Variants in SLC12A7 observed in about 807,000 individuals in gnomAD.
The protein encoded by SLC12A7 is K-Cl cotransporter 4.
In SLC12A7, 100 loss-of-function variants were observed where a neutral mutation model predicts 120.6. The observed-to-expected ratio is 0.83, with a 90% CI of 0.71 to 0.98. The LOEUF is 0.98. SLC12A7 is among the 50% of genes least tolerant of loss of function. The pLI, the probability that SLC12A7 is intolerant of heterozygous loss-of-function variation, is 0.00. For missense variants in SLC12A7, 1,373 were observed against 1,548.1 expected, an observed-to-expected ratio of 0.89 and a Z score of 1.90; for synonymous variants, 760 against 678.0, an observed-to-expected ratio of 1.12 and a Z score of -1.88.
chr5:1,148,651 T>A, the SLC12A7 span, among the ~76,000 whole-genome samples: 1 of 152,162 alleles, frequency 6.6e-6, no homozygotes. Context: ...GAATGAGAGC[T>A]CCCCCTGGGC....
chr5:1,154,175 T>TCCCTAA, the SLC12A7 span, among the ~76,000 whole-genome samples: 3 of 151,644 alleles, frequency 2.0e-5, no homozygotes, highest in Non-Finnish European at 2.9e-5. Flanking sequence ...CAGGCTTGTG[T>TCCCTAA]CCCTAACCCT....
At chr5:1,080,909 G>A (rs1450617158) in intron 9 of SLC12A7, among the ~76,000 whole-genome samples, 1 of 152,192 alleles carries the variant, frequency 6.6e-6, no homozygotes, top group Non-Finnish European at 1.5e-5. Flanking sequence ...AATCCATCAG[G>A]ACGCAGGGCA....
chr5:1,078,217 G>C (rs1247794575), intron 11 of SLC12A7, among the ~76,000 whole-genome samples: 1 of 152,196 alleles, frequency 6.6e-6, no homozygotes, highest in African/African-American at 2.4e-5. Flanking sequence ...CAGCGGGGGA[G>C]GGGGTCCTGC....
chr5:1,121,283 C>T, the SLC12A7 span, among the ~76,000 whole-genome samples: 3 of 152,178 alleles, frequency 2.0e-5, no homozygotes, highest in Non-Finnish European at 4.4e-5. Flanking sequence ...GGACTTTACA[C>T]GTGGAGTTCC....
the SLC12A7 span, among the ~76,000 whole-genome samples, chr5:1,144,231 G>T: frequency 1.3e-5 from 2 of 152,176 alleles, no homozygotes; most frequent in Non-Finnish European, 2.9e-5. Flanking sequence ...CGCAGCGCCG[G>T]GTGGCGGGAG....
intron 9 of SLC12A7, among the ~76,000 whole-genome samples, chr5:1,080,600 G>A (rs931383485): frequency 2.6e-5 from 4 of 152,254 alleles, no homozygotes; most frequent in Non-Finnish European, 5.9e-5. Context: ...AGCAGCCAGC[G>A]CCTGTCAGGG....
intron 22 of SLC12A7, 25 bp downstream of exon 22, chr5:1,057,446 C>T (rs377292572): frequency 7.8e-5 from 124 of 1,592,726 alleles, no homozygotes; most frequent in Non-Finnish European, 1.0e-4. Flanking sequence ...TCTGTTCCCC[C>T]CAGGCCACAC....
chr5:1,115,516 G>A (rs1743280016), upstream of SLC12A7, among the ~76,000 whole-genome samples: 1 of 152,182 alleles, frequency 6.6e-6, no homozygotes, highest in African/African-American at 2.4e-5. Flanking sequence ...TAGGGTGGGG[G>A]GCTCATCTCC....
At chr5:1,062,531 A>C (rs1007208888) in intron 20 of SLC12A7, among the ~76,000 whole-genome samples, 14 of 152,224 alleles carry the variant, frequency 9.2e-5, no homozygotes, top group Non-Finnish European at 1.8e-4. Context: ...GAGGAAGAAC[A>C]ACCCCACAGG....
At chr5:1,133,923 C>T in the SLC12A7 span, among the ~76,000 whole-genome samples, 4 of 152,106 alleles carry the variant, frequency 2.6e-5, no homozygotes, top group Non-Finnish European at 4.4e-5. Context: ...TTGTTCTAAC[C>T]GCTGCATGGC....
chr5:1,103,380 T>C (rs6894574), intron 1 of SLC12A7, among the ~76,000 whole-genome samples: 102,628 of 152,104 alleles, frequency 0.67, 34,741 homozygotes, highest in African/African-American at 0.69. Flanking sequence ...TGGAAGGTCC[T>C]GGCAAGCTAT....
At chr5:1,154,902 G>A in the SLC12A7 span, among the ~76,000 whole-genome samples, 271 of 152,336 alleles carry the variant, frequency 1.8e-3, no homozygotes, top group Middle Eastern at 6.8e-3. Flanking sequence ...CAGGTCCCAC[G>A]AGAGAGTGAC....
intron 16 of SLC12A7, among the ~76,000 whole-genome samples, chr5:1,074,115 G>T (rs1236220572): frequency 6.6e-6 from 1 of 152,162 alleles, no homozygotes; most frequent in Non-Finnish European, 1.5e-5. Flanking sequence ...CAGGTGACAT[G>T]CTAGACAGGT....
chr5:1,105,811 G>T (rs1242471569), intron 1 of SLC12A7, among the ~76,000 whole-genome samples: 1 of 152,160 alleles, frequency 6.6e-6, no homozygotes, highest in Non-Finnish European at 1.5e-5. Flanking sequence ...TGCTCACCAG[G>T]CCCCAGACAC....
At chr5:1,106,137 C>T (rs1024254753) in intron 1 of SLC12A7, among the ~76,000 whole-genome samples, 2 of 152,234 alleles carry the variant, frequency 1.3e-5, no homozygotes, top group Admixed American at 1.3e-4. Flanking sequence ...CTCCAGACCT[C>T]GGTCTAAGGC....
intron 4 of SLC12A7, 71 bp downstream of exon 4, chr5:1,088,911 T>C (rs2150869255): frequency 6.3e-7 from 1 of 1,582,928 alleles, no homozygotes. Context: ...GGAGACGGCA[T>C]CTGGGGAGAG....
chr5:1,054,536 T>C (rs1735403851), intron 22 of SLC12A7, among the ~76,000 whole-genome samples: 1 of 152,124 alleles, frequency 6.6e-6, no homozygotes, highest in Non-Finnish European at 1.5e-5. Context: ...TGCGTTTCTG[T>C]GTTGGAAAAA....
At chr5:1,147,203 G>T in the SLC12A7 span, among the ~76,000 whole-genome samples, 1 of 151,714 alleles carries the variant, frequency 6.6e-6, no homozygotes, top group African/African-American at 2.4e-5. Flanking sequence ...AAATTCCCAC[G>T]GTGACAGAAG....
chr5:1,091,666 T>G (rs565898469), intron 3 of SLC12A7, among the ~76,000 whole-genome samples: 1 of 152,156 alleles, frequency 6.6e-6, no homozygotes, highest in South Asian at 2.1e-4. Context: ...TTCCACAGCG[T>G]CCACGTGCGG....
Sources: gnomAD v4.1 joint callset for allele counts (sites outside exome capture counted in the v4.1 genomes callset) on GRCh38, gnomAD v4.1.1 for gene constraint, MANE v1.5 for transcripts, NCBI Gene and HGNC (gene_info 2026-07-23, HGNC 2026-07-21) for gene names.